Variants in KLF5 observed in about 807,000 individuals in gnomAD.
KLF5 encodes KLF transcription factor 5.
KLF5 carries 9 observed loss-of-function variants against 36.9 expected under a neutral mutation model. The ratio of observed to expected loss-of-function variants is 0.24; its 90% CI spans 0.15 to 0.43. The LOEUF is 0.43. Among genes scored for constraint, KLF5 ranks in the 20% least tolerant of loss-of-function variants. The probability of loss-of-function intolerance (pLI) is 1.00; values close to 1 mark genes in which losing one functional copy is unlikely to be tolerated. For synonymous variants in KLF5, 246 were observed against 241.7 expected, an observed-to-expected ratio of 1.02 and a Z score of -0.17; for missense variants, 524 against 599.5, an observed-to-expected ratio of 0.87 and a Z score of 1.31.
intron 3 of KLF5, among the ~76,000 whole-genome samples, chr13:73,072,017 G>A (rs2044725723): frequency 6.6e-6 from 1 of 152,172 alleles, no homozygotes; most frequent in Non-Finnish European, 1.5e-5. Context: ...GAAGGAAACC[G>A]ATGTGTAAAT....
chr13:73,067,177 A>C (rs973270326), intron 3 of KLF5, among the ~76,000 whole-genome samples: 7 of 152,340 alleles, frequency 4.6e-5, no homozygotes, highest in Admixed American at 3.9e-4. Context: ...TGATGTCTAC[A>C]AGGGGCGGAA....
At chr13:73,074,881 C>T (rs2044748535) in intron 3 of KLF5, 1 of 152,142 alleles carries the variant, frequency 6.6e-6, no homozygotes, top group Non-Finnish European at 1.5e-5. Context: ...TGGGACAGTT[C>T]CTGGCCTATA....
intron 3 of KLF5, among the ~76,000 whole-genome samples, chr13:73,066,864 GTCT>G (rs2044683663): frequency 6.6e-6 from 1 of 152,086 alleles, no homozygotes; most frequent in African/African-American, 2.4e-5. Flanking sequence ...ACAAAGTTCT[GTCT>G]TCTTTGTGTG....
intron 2 of KLF5, 107 bp downstream of exon 2, chr13:73,062,841 C>T: frequency 1.1e-6 from 1 of 906,876 alleles, no homozygotes; most frequent in East Asian, 2.4e-5. Context: ...TTTTCAACCT[C>T]ATGGCTTTAA....
chr13:73,062,885 A>AT, intron 2 of KLF5, 151 bp downstream of exon 2: 1 of 608,906 alleles, frequency 1.6e-6, no homozygotes, highest in Non-Finnish European at 2.8e-6. Flanking sequence ...AAAAAAAAAA[A>AT]AAATTACCTT....
At chr13:73,073,711 TTTG>T (rs1261919073) in intron 3 of KLF5, among the ~76,000 whole-genome samples, 1 of 152,208 alleles carries the variant, frequency 6.6e-6, no homozygotes, top group African/African-American at 2.4e-5. Flanking sequence ...AACCAATATG[TTTG>T]TTTCTGTGGT....
In KLF5 at chr13:73,062,139, G is replaced by T; in HGVS notation, c.540G>T (p.Pro180=). Reference sequence around the variant, plus strand: ...AGAGTGAAACGACTGCCCCTCCTCCGGCCCCGACCCAGGCCCTCCCTGAGT... The same window carrying T: ...AGAGTGAAACGACTGCCCCTCCTCCTGCCCCGACCCAGGCCCTCCCTGAGT... The part of the protein sequence containing the change: ...SHQSETTAPP[P]APTQALPEFT... The change falls in exon 2 of 4, where the codon CCG becomes CCT. Residue 180 remains proline, a synonymous_variant. Coordinates refer to ENST00000377687, the MANE Select transcript of KLF5 (RefSeq NM_001730.5). The T allele has an allele frequency of 3.7e-6, 6 of 1,613,986 alleles. No homozygotes were observed. The highest frequency in any genetic ancestry group is 4.2e-6 in the Non-Finnish European group (5 of 1,179,998).
At chr13:73,060,118 T>C (rs562914935) in intron 1 of KLF5, among the ~76,000 whole-genome samples, 18 of 144,574 alleles carry the variant, frequency 1.2e-4, no homozygotes, top group Admixed American at 2.9e-4. Flanking sequence ...AAATGAGAGT[T>C]AGGAAAGCTA....
chr13:73,057,993 GCT>G (rs750651959), upstream of KLF5, among the ~76,000 whole-genome samples: 1 of 152,222 alleles, frequency 6.6e-6, no homozygotes, highest in Non-Finnish European at 1.5e-5. Flanking sequence ...TTTCAGAGCT[GCT>G]CTGTGTCTAT....
chr13:73,060,219 C>T (rs1361155832), intron 1 of KLF5, among the ~76,000 whole-genome samples: 1 of 151,018 alleles, frequency 6.6e-6, no homozygotes, highest in Non-Finnish European at 1.5e-5. Context: ...CGTAAATTTC[C>T]TCCCGGAGCC....
chr13:73,055,778 T>G (rs902220567), upstream of KLF5, among the ~76,000 whole-genome samples: 3 of 152,228 alleles, frequency 2.0e-5, no homozygotes, highest in Non-Finnish European at 4.4e-5. Flanking sequence ...TTCATTTTTA[T>G]TCTTGTTCTT....
intron 3 of KLF5, among the ~76,000 whole-genome samples, chr13:73,074,188 A>G (rs1041206683): frequency 1.4e-4 from 22 of 152,208 alleles, no homozygotes; most frequent in Non-Finnish European, 4.4e-5. Flanking sequence ...GGTTATCATG[A>G]CAACAAAAAT....
chr13:73,068,801 GATA>G (rs2044701057), intron 3 of KLF5, among the ~76,000 whole-genome samples: 1 of 151,220 alleles, frequency 6.6e-6, no homozygotes, highest in African/African-American at 2.4e-5. Context: ...TTAAAATCTC[GATA>G]ATATTTGGCT....
intron 1 of KLF5, chr13:73,060,460 T>TG (rs2044626319): frequency 6.6e-6 from 1 of 152,206 alleles, no homozygotes; most frequent in Non-Finnish European, 1.5e-5. Context: ...AAGGGTTTAG[T>TG]TCAGTTTATT....
chr13:73,056,124 C>A (rs1216514490), upstream of KLF5, among the ~76,000 whole-genome samples: 3 of 152,004 alleles, frequency 2.0e-5, no homozygotes, highest in East Asian at 1.9e-4. Flanking sequence ...TCAGCCCCCG[C>A]ATATTCATCC....
chr13:73,062,779 G>GTGTT, intron 2 of KLF5, 45 bp downstream of exon 2: 1 of 1,556,192 alleles, frequency 6.4e-7, no homozygotes, highest in Non-Finnish European at 8.8e-7. Context: ...TGTAGTGTGT[G>GTGTT]TGTGTGTGTG....
chr13:73,067,998 G>C (rs1047724177), intron 3 of KLF5, among the ~76,000 whole-genome samples: 1 of 151,868 alleles, frequency 6.6e-6, no homozygotes, highest in Admixed American at 6.6e-5. Flanking sequence ...CTGCCACCAC[G>C]CCCGGCTAAT....
At chr13:73,060,325 A>G (rs1385840467) in intron 1 of KLF5, among the ~76,000 whole-genome samples, 1 of 152,162 alleles carries the variant, frequency 6.6e-6, no homozygotes, top group Non-Finnish European at 1.5e-5. Flanking sequence ...CATATAGCCC[A>G]GAAAAAACTT....
chr13:73,061,361 T>A (rs1479912407), intron 1 of KLF5, among the ~76,000 whole-genome samples: 1 of 152,176 alleles, frequency 6.6e-6, no homozygotes, highest in Non-Finnish European at 1.5e-5. Flanking sequence ...TTTTGAAGTA[T>A]CTAGTCAAGA....
Sources: allele counts gnomAD v4.1 joint callset (sites outside exome capture counted in the v4.1 genomes callset), GRCh38; gene constraint gnomAD v4.1.1; transcripts MANE v1.5; gene names NCBI Gene and HGNC (gene_info 2026-07-23, HGNC 2026-07-21).